The following DLG2 variants were observed in gnomAD, a reference collection of about 807,000 sequenced individuals.
The protein encoded by DLG2 is disks large homolog 2.
Under a neutral mutation model 132.5 loss-of-function variants are expected in DLG2, and 45 were observed. The observed-to-expected ratio is 0.34, with a 90% CI of 0.27 to 0.44. The LOEUF is 0.44. Among genes scored for constraint, DLG2 ranks in the 20% least tolerant of loss-of-function variants. The pLI, the probability that DLG2 is intolerant of heterozygous loss-of-function variation, is 1.00. For missense variants in DLG2, 1,045 were observed against 1,196.9 expected, an observed-to-expected ratio of 0.87 and a Z score of 1.87; for synonymous variants, 424 against 419.6, an observed-to-expected ratio of 1.01 and a Z score of -0.13.
chr11:83,482,148 T>C (rs190198206), intron 22 of DLG2, among the ~76,000 whole-genome samples: 3 of 152,214 alleles, frequency 2.0e-5, no homozygotes, highest in Admixed American at 2.0e-4. Flanking sequence ...TCAGTACTCT[T>C]GATCAGATTT....
At chr11:85,547,882 C>T (rs1448421639) in intron 3 of DLG2, among the ~76,000 whole-genome samples, 3 of 152,100 alleles carry the variant, frequency 2.0e-5, no homozygotes, top group Non-Finnish European at 2.9e-5. Context: ...GTTAGCAATT[C>T]GTCTAACCCT....
At chr11:84,280,409 T>C (rs2097841885) in intron 7 of DLG2, among the ~76,000 whole-genome samples, 1 of 151,648 alleles carries the variant, frequency 6.6e-6, no homozygotes, top group Admixed American at 6.6e-5. Flanking sequence ...GCTGGGACTA[T>C]AGGCGCACAC....
rs982598945 is a variant in DLG2, at chr11:84,845,029, A to T, written c.357+266632T>A. ...AAGCAAATACAAATTTTATTATTCC[A>T]ATCATAGAGTTAATCAAACAGCAAT... On this transcript the variant is annotated intron_variant, in intron 6 of 27. Coordinates refer to ENST00000376104, the MANE Select transcript of DLG2 (RefSeq NM_001142699.3). Among the ~76,000 whole-genome samples, 5 of 152,236 alleles carry T rather than the reference A, an allele frequency of 3.3e-5. No individual in the cohort carries two copies. The East Asian group carries it at 9.7e-4, about 29-fold the overall frequency.
intron 23 of DLG2, 72 bp downstream of exon 23, chr11:83,472,655 T>C: frequency 7.3e-7 from 1 of 1,373,580 alleles, no homozygotes; most frequent in East Asian, 2.3e-5. Context: ...AGTCCTTCAC[T>C]CTTTCCCTCC....
chr11:84,800,291 A>T (rs2075208937), intron 6 of DLG2, among the ~76,000 whole-genome samples: 1 of 152,162 alleles, frequency 6.6e-6, no homozygotes, highest in African/African-American at 2.4e-5. Context: ...TTTGTATATC[A>T]TTTTAGTTTT....
At chr11:84,523,548 A>T (rs2154517613) in intron 7 of DLG2, among the ~76,000 whole-genome samples, 1 of 152,346 alleles carries the variant, frequency 6.6e-6, no homozygotes, top group East Asian at 1.9e-4. Context: ...AGAATTGAAA[A>T]CATGCTCACC....
intron 6 of DLG2, among the ~76,000 whole-genome samples, chr11:84,764,159 G>T (rs1229225967): frequency 1.3e-5 from 2 of 152,058 alleles, no homozygotes; most frequent in Non-Finnish European, 2.9e-5. Flanking sequence ...AATTACACTT[G>T]CAGGAAGAAT....
chr11:84,757,628 GTGA>G (rs1216731389), intron 6 of DLG2, among the ~76,000 whole-genome samples: 3 of 152,262 alleles, frequency 2.0e-5, no homozygotes, highest in Middle Eastern at 3.4e-3. Context: ...GATGATGATG[GTGA>G]TGATGATGAT....
chr11:84,496,766 G>A (rs1402462840), intron 7 of DLG2, among the ~76,000 whole-genome samples: 20 of 151,884 alleles, frequency 1.3e-4, no homozygotes, highest in Admixed American at 1.3e-3. Context: ...TTTCCTCACG[G>A]TTCACGGTTC....
At chr11:85,384,379 T>C (rs2086149835) in intron 3 of DLG2, among the ~76,000 whole-genome samples, 2 of 152,052 alleles carry the variant, frequency 1.3e-5, no homozygotes, top group Non-Finnish European at 2.9e-5. Flanking sequence ...CAAGGGATAT[T>C]TGAAAAAAAA....
chr11:85,083,836 C>T (rs1000662565), intron 6 of DLG2, among the ~76,000 whole-genome samples: 10 of 152,038 alleles, frequency 6.6e-5, no homozygotes, highest in African/African-American at 2.4e-4. Context: ...AATGTTAATG[C>T]TGGTCAGTTG....
At chr11:83,832,739 G>A (rs1595112470) in intron 17 of DLG2, among the ~76,000 whole-genome samples, 1 of 151,956 alleles carries the variant, frequency 6.6e-6, no homozygotes, top group African/African-American at 2.4e-5. Flanking sequence ...CGTGTGTACC[G>A]CCAAATCTAA....
intron 3 of DLG2, among the ~76,000 whole-genome samples, chr11:85,519,878 T>C (rs1016920946): frequency 1.3e-5 from 2 of 152,130 alleles, no homozygotes; most frequent in African/African-American, 4.8e-5. Flanking sequence ...CTCTCTTCTC[T>C]TGTCTGCCAC....
At chr11:84,158,238 T>C (rs1373281610) in intron 9 of DLG2, among the ~76,000 whole-genome samples, 2 of 152,106 alleles carry the variant, frequency 1.3e-5, no homozygotes, top group Non-Finnish European at 2.9e-5. Flanking sequence ...TAAATTTTTG[T>C]ATTTTTAGTA....
intron 6 of DLG2, among the ~76,000 whole-genome samples, chr11:84,756,007 G>T (rs556131833): frequency 1.6e-4 from 25 of 152,062 alleles, no homozygotes; most frequent in Non-Finnish European, 3.5e-4. Flanking sequence ...TTTGCAAAAA[G>T]GTTATAAAAT....
chr11:84,641,936 CACAT>C (rs2154545263), intron 6 of DLG2, among the ~76,000 whole-genome samples: 1 of 151,124 alleles, frequency 6.6e-6, no homozygotes, highest in South Asian at 2.1e-4. Flanking sequence ...TACACACACA[CACAT>C]ACACACATCC....
intron 4 of DLG2, among the ~76,000 whole-genome samples, chr11:85,208,649 T>C (rs555618844): frequency 6.6e-6 from 1 of 152,132 alleles, no homozygotes; most frequent in Non-Finnish European, 1.5e-5. Context: ...AGCTATAACA[T>C]GCACAAAATG....
chr11:84,711,885 C>T (rs1007518237), intron 6 of DLG2, among the ~76,000 whole-genome samples: 1 of 152,032 alleles, frequency 6.6e-6, no homozygotes, highest in African/African-American at 2.4e-5. Context: ...ATCAAGGTAC[C>T]ACATTAAGTA....
At chr11:84,493,969 T>C (rs1368596120) in intron 7 of DLG2, among the ~76,000 whole-genome samples, 4 of 152,138 alleles carry the variant, frequency 2.6e-5, no homozygotes, top group Non-Finnish European at 4.4e-5. Context: ...GTAACATAGA[T>C]AGATCCATGA....
Sources: allele counts gnomAD v4.1 joint callset (sites outside exome capture counted in the v4.1 genomes callset), GRCh38; gene constraint gnomAD v4.1.1; transcripts MANE v1.5; gene names NCBI Gene and HGNC (gene_info 2026-07-23, HGNC 2026-07-21).